Variants in EPS15 observed in about 807,000 individuals in gnomAD.
EPS15 encodes epidermal growth factor receptor substrate 15.
In EPS15, 72 loss-of-function variants were observed where a neutral mutation model predicts 113.8. That is an observed-to-expected ratio of 0.63 (90% CI 0.52 to 0.77). The LOEUF is 0.77. Ranked by LOEUF, EPS15 falls within the 30% of genes least tolerant of loss-of-function variation. EPS15 has a pLI of 0.00. For missense variants in EPS15, 1,048 were observed against 1,045.8 expected (o/e 1.00, Z -0.03); for synonymous variants, 344 against 363.4 (o/e 0.95, Z 0.61).
At chr1:51,511,167 A>C (rs1644612923) in intron 1 of EPS15, among the ~76,000 whole-genome samples, 2 of 151,894 alleles carry the variant, frequency 1.3e-5, no homozygotes, top group Admixed American at 1.3e-4. Context: ...CCTCCGCCTC[A>C]AAAAATAATA....
intron 21 of EPS15, among the ~76,000 whole-genome samples, chr1:51,381,447 C>A (rs1383623613): frequency 6.6e-6 from 1 of 151,780 alleles, no homozygotes; most frequent in Non-Finnish European, 1.5e-5. Flanking sequence ...ACAAAAATGA[C>A]ACGGGCGTGG....
rs1461887605 is a variant in EPS15 at position 51,424,113 on chromosome 1, TA to T, written c.1041-2256del. On this transcript the variant is annotated intron_variant, in intron 12 of 24. Transcript: ENST00000371733. ...AATTCTGGTCTTACAATATTCCTTT[TA>T]TTAGCACAACCAAGTAGTATAACAT... 6.6e-5 allele frequency among the ~76,000 whole-genome samples: 10 copies of T among 152,324 alleles called. No individual in the cohort carries two copies. The South Asian group carries it at 1.9e-3, about 28-fold the overall frequency.
intron 12 of EPS15, among the ~76,000 whole-genome samples, chr1:51,436,817 G>C (rs1309515663): frequency 6.6e-6 from 1 of 152,112 alleles, no homozygotes; most frequent in African/African-American, 2.4e-5. Context: ...GAGTGATTGG[G>C]TGAATGGTGA....
At position 51,364,048 on chromosome 1, in the gene EPS15, G is replaced by T; in HGVS notation, c.2197-20C>A. 1.3e-6 allele frequency: 2 copies of T among 1,597,190 alleles called. No homozygotes were observed. The highest frequency in any genetic ancestry group is 1.7e-6 in the Non-Finnish European group (2 of 1,170,602). On this transcript the variant is annotated intron_variant, in intron 22 of 24. Transcript: ENST00000371733. ...GTTGACCTTTGTTTAAAAAGAAATG[G>T]TTATACATGGCTATACCAAGCAAAT...
At chr1:51,413,905 C>T (rs1442798579) in intron 13 of EPS15, among the ~76,000 whole-genome samples, 2 of 152,004 alleles carry the variant, frequency 1.3e-5, no homozygotes, top group Non-Finnish European at 2.9e-5. Flanking sequence ...TGTGCCACCA[C>T]GCCTGGCTAA....
intron 21 of EPS15, among the ~76,000 whole-genome samples, chr1:51,376,662 A>AAAAC (rs761426174): frequency 3.7e-4 from 56 of 152,150 alleles, no homozygotes; most frequent in Non-Finnish European, 6.9e-4. Context: ...AGACTGTCTC[A>AAAAC]AAACAAACAA....
At chr1:51,394,950 T>G (rs536866893) in intron 20 of EPS15, among the ~76,000 whole-genome samples, 224 of 152,312 alleles carry the variant, frequency 1.5e-3, no homozygotes, top group Middle Eastern at 0.014. Flanking sequence ...CTCAAACTCC[T>G]GGGCTCAAGT....
At chr1:51,428,799 C>G (rs1651445470) in intron 12 of EPS15, among the ~76,000 whole-genome samples, 1 of 126,734 alleles carries the variant, frequency 7.9e-6, no homozygotes, top group Non-Finnish European at 1.6e-5. Flanking sequence ...TGCACTCCAG[C>G]TTAGATGACA....
At chr1:51,377,814 A>G (rs1197945979) in intron 21 of EPS15, among the ~76,000 whole-genome samples, 1 of 152,096 alleles carries the variant, frequency 6.6e-6, no homozygotes, top group African/African-American at 2.4e-5. Flanking sequence ...CACCTTGATC[A>G]GTCGGCAGCC....
chr1:51,447,718 A>T (rs1653181130), intron 9 of EPS15, among the ~76,000 whole-genome samples: 1 of 152,232 alleles, frequency 6.6e-6, no homozygotes, highest in Non-Finnish European at 1.5e-5. Flanking sequence ...CTTTAATTCC[A>T]GGGAGATCAA....
intron 15 of EPS15, among the ~76,000 whole-genome samples, chr1:51,407,062 G>C (rs1649199903): frequency 1.3e-5 from 2 of 152,154 alleles, no homozygotes; most frequent in African/African-American, 4.8e-5. Context: ...GGTTTTAGAA[G>C]AACTGGATTT....
intron 1 of EPS15, among the ~76,000 whole-genome samples, chr1:51,481,715 C>A (rs1274450040): frequency 3.3e-5 from 5 of 152,288 alleles, no homozygotes; most frequent in Admixed American, 3.3e-4. Context: ...TTTCAAAAAC[C>A]ACTTCAATAA....
In EPS15 at chr1:51,445,065, G is replaced by T. The variant is rs767229894; in HGVS notation, c.798-20C>A. 2.5e-6 allele frequency: 4 copies of T among 1,607,272 alleles called. No individual in the cohort carries two copies. The highest frequency in any genetic ancestry group is 1.1e-5 in the South Asian group (1 of 90,238). On this transcript the variant is annotated intron_variant, in intron 10 of 24. Coordinates refer to ENST00000371733, the MANE Select transcript of EPS15 (RefSeq NM_001981.3). ...AATGACCTGCACAAATAAACAAAAT[G>T]AATGGTATGTAAGTGCCACAACTGC...
chr1:51,509,574 GCAATA>G (rs1040721706), intron 1 of EPS15, among the ~76,000 whole-genome samples: 4 of 152,084 alleles, frequency 2.6e-5, no homozygotes, highest in African/African-American at 9.7e-5. Flanking sequence ...TTTATCTTTA[GCAATA>G]CAATACTGTA....
At chr1:51,371,047 T>C (rs1034048084) in intron 21 of EPS15, among the ~76,000 whole-genome samples, 3 of 151,930 alleles carry the variant, frequency 2.0e-5, no homozygotes, top group African/African-American at 7.3e-5. Flanking sequence ...TCCGAGTAGC[T>C]TGCATTACAG....
chr1:51,370,240 T>G (rs771791208), intron 21 of EPS15, among the ~76,000 whole-genome samples: 1 of 152,228 alleles, frequency 6.6e-6, no homozygotes, highest in Admixed American at 6.5e-5. Context: ...AAACCTACTG[T>G]GTTGCCAGTC....
intron 13 of EPS15, among the ~76,000 whole-genome samples, chr1:51,415,275 C>T (rs1650100564): frequency 6.6e-6 from 1 of 152,154 alleles, no homozygotes; most frequent in Non-Finnish European, 1.5e-5. Flanking sequence ...CCCTTTCTCT[C>T]CCAAAGAGCA....
Position 51,506,681 on chromosome 1 carries a change from G to C in EPS15, c.33+12518C>G, listed in dbSNP as rs533092131. Among the ~76,000 whole-genome samples, 5 of 151,670 alleles carry C rather than the reference G, an allele frequency of 3.3e-5. No homozygotes were observed. In the South Asian group the frequency reaches 1.0e-3, roughly 31 times the overall value. Reference sequence around the variant, plus strand: ...AACCAGGACATTTCAAGCAAGTATGGCTCAAAGTAGAGTCAAGAGAGTTAA... The same window carrying C: ...AACCAGGACATTTCAAGCAAGTATGCCTCAAAGTAGAGTCAAGAGAGTTAA... On this transcript the variant is annotated intron_variant, in intron 1 of 24. Coordinates refer to ENST00000371733, the MANE Select transcript of EPS15 (RefSeq NM_001981.3).
intron 7 of EPS15, chr1:51,463,274 G>A (rs971724142): frequency 3.3e-5 from 5 of 153,542 alleles, no homozygotes; most frequent in African/African-American, 1.2e-4. Context: ...ACAAGTTAGA[G>A]AGAAGAATTT....
Sources: gnomAD v4.1 joint callset for allele counts (sites outside exome capture counted in the v4.1 genomes callset) on GRCh38, gnomAD v4.1.1 for gene constraint, MANE v1.5 for transcripts, NCBI Gene and HGNC (gene_info 2026-07-23, HGNC 2026-07-21) for gene names.